The following RARB variants were observed in gnomAD, a reference collection of about 807,000 sequenced individuals.
The protein encoded by RARB is retinoic acid receptor beta.
Under a neutral mutation model 51.9 loss-of-function variants are expected in RARB, and 17 were observed. The observed-to-expected ratio is 0.33, with a 90% CI of 0.22 to 0.49. The LOEUF is 0.49. Among genes scored for constraint, RARB ranks in the 20% least tolerant of loss-of-function variants. The pLI is 0.99. For missense variants in RARB, 369 were observed against 550.8 expected, an observed-to-expected ratio of 0.67 and a Z score of 3.30; for synonymous variants, 215 against 195.4, an observed-to-expected ratio of 1.10 and a Z score of -0.84.
intron 3 of RARB, among the ~76,000 whole-genome samples, chr3:25,060,672 A>C (rs1698531253): frequency 6.6e-6 from 1 of 151,900 alleles, no homozygotes; most frequent in Non-Finnish European, 1.5e-5. Context: ...AAGTTGATTT[A>C]GAAAACAATG....
At chr3:25,009,204 T>G (rs907573281) in intron 2 of RARB, among the ~76,000 whole-genome samples, 1 of 152,066 alleles carries the variant, frequency 6.6e-6, no homozygotes, top group African/African-American at 2.4e-5. Flanking sequence ...TCTCCCAAAT[T>G]CTATGACTCT....
At chr3:25,523,428 G>A (rs1385115747) in intron 3 of RARB, among the ~76,000 whole-genome samples, 5 of 152,140 alleles carry the variant, frequency 3.3e-5, no homozygotes, top group East Asian at 1.9e-4. Flanking sequence ...AGGGAGATAC[G>A]GAAATTCCTT....
At chr3:25,160,801 T>C (rs1345567566) in intron 4 of RARB, among the ~76,000 whole-genome samples, 1 of 152,128 alleles carries the variant, frequency 6.6e-6, no homozygotes, top group East Asian at 1.9e-4. Flanking sequence ...AAGGAGAACT[T>C]GTTTCCTTGC....
intron 5 of RARB, among the ~76,000 whole-genome samples, chr3:25,238,408 A>G (rs1702354079): frequency 6.6e-6 from 1 of 152,116 alleles, no homozygotes; most frequent in South Asian, 2.1e-4. Context: ...TCATTTATCC[A>G]TTGGTGGACA....
At chr3:24,993,057 A>G (rs564036481) in intron 2 of RARB, among the ~76,000 whole-genome samples, 19 of 152,240 alleles carry the variant, frequency 1.2e-4, no homozygotes, top group African/African-American at 4.1e-4. Flanking sequence ...TCTATATACA[A>G]TAAAAAGTGA....
At chr3:25,456,688 G>T (rs866722171) in intron 1 of RARB, among the ~76,000 whole-genome samples, 12,909 of 108,720 alleles carry the variant, frequency 0.12, 552 homozygotes, top group Admixed American at 0.13. Flanking sequence ...TATATAGAGA[G>T]AGAGAGAGAG....
rs1390744767 is a variant in RARB at position 25,050,526 on chromosome 3, A to C, written c.-379-9599A>C. On this transcript the variant is annotated intron_variant, in intron 2 of 11. Transcript: ENST00000383772. ...TATGTGTATTCACTTTACGAAGTCA[A>C]ATAGTTCTATAAGGCTTTTAACACT... is the stretch of plus-strand genomic sequence containing the variant. 2.6e-5 allele frequency among the ~76,000 whole-genome samples: 4 copies of C among 152,208 alleles called. No individual in the cohort carries two copies. The East Asian group carries it at 5.8e-4, about 22-fold the overall frequency.
chr3:24,932,919 A>G (rs1158013152), intron 2 of RARB, among the ~76,000 whole-genome samples: 1 of 152,126 alleles, frequency 6.6e-6, no homozygotes, highest in Non-Finnish European at 1.5e-5. Flanking sequence ...GAGAAAACCC[A>G]TATAATTTAT....
At chr3:24,931,164 G>A (rs984219124) in intron 2 of RARB, among the ~76,000 whole-genome samples, 3 of 152,040 alleles carry the variant, frequency 2.0e-5, no homozygotes, top group Admixed American at 2.0e-4. Flanking sequence ...TCGTTGAACT[G>A]AATGTATTCT....
intron 3 of RARB, among the ~76,000 whole-genome samples, chr3:25,535,884 C>T: frequency 6.6e-6 from 1 of 152,128 alleles, no homozygotes; most frequent in East Asian, 1.9e-4. Flanking sequence ...TTATCAGGGT[C>T]TTAAATGCAT....
intron 4 of RARB, among the ~76,000 whole-genome samples, chr3:25,134,796 G>A (rs1284130421): frequency 6.7e-6 from 1 of 150,044 alleles, no homozygotes; most frequent in Non-Finnish European, 1.5e-5. Flanking sequence ...GAATGAGAAT[G>A]TAGCTAGGAA....
At chr3:25,525,404 C>A (rs1442674386) in intron 3 of RARB, among the ~76,000 whole-genome samples, 1 of 152,046 alleles carries the variant, frequency 6.6e-6, no homozygotes. Context: ...TCACCCCTGC[C>A]TCCCATACTC....
chr3:25,273,327 A>G (rs2125412393), intron 5 of RARB, among the ~76,000 whole-genome samples: 1 of 152,328 alleles, frequency 6.6e-6, no homozygotes, highest in Middle Eastern at 3.4e-3. Flanking sequence ...TCACTTAATC[A>G]TTATATTGCC....
chr3:25,294,584 C>G (rs922113110), intron 5 of RARB, among the ~76,000 whole-genome samples: 7 of 152,112 alleles, frequency 4.6e-5, no homozygotes, highest in African/African-American at 1.7e-4. Flanking sequence ...AGAGATGGTG[C>G]TGTTGGAGGT....
At chr3:25,182,352 G>C (rs1374833009) in intron 5 of RARB, among the ~76,000 whole-genome samples, 3 of 152,186 alleles carry the variant, frequency 2.0e-5, no homozygotes, top group Admixed American at 6.5e-5. Flanking sequence ...GCCAGCCATG[G>C]GGTACTGGGC....
At chr3:24,877,355 T>C (rs1435028336) in intron 2 of RARB, among the ~76,000 whole-genome samples, 1 of 143,912 alleles carries the variant, frequency 6.9e-6, no homozygotes, top group East Asian at 2.0e-4. Context: ...ACTTTTTTTT[T>C]TTTTTTTTGG....
Position 25,566,714 on chromosome 3 carries a change from C to T in RARB, c.449-3044C>T, listed in dbSNP as rs182761355. 6.8e-3 allele frequency among the ~76,000 whole-genome samples: 1,043 copies of T among 152,320 alleles called. 7 individuals are homozygous for T. Among genetic ancestry groups the T allele is most frequent in the Non-Finnish European group, 0.01 (706 of 68,032 alleles). On this transcript the variant is annotated intron_variant, in intron 3 of 7. Transcript: ENST00000330688. ...GGTTTGCTCGTCTGAGTTTTCCAGG[C>T]CCCTGGTGGTGGATGGGGACAGTGA...
chr3:25,066,568 T>C (rs1698666949), intron 3 of RARB, among the ~76,000 whole-genome samples: 1 of 151,626 alleles, frequency 6.6e-6, no homozygotes, highest in African/African-American at 2.4e-5. Flanking sequence ...ATTCTGTGTG[T>C]ATATGTATGT....
At chr3:25,283,608 G>T (rs1164454770) in intron 5 of RARB, among the ~76,000 whole-genome samples, 3 of 152,170 alleles carry the variant, frequency 2.0e-5, no homozygotes, top group Admixed American at 2.0e-4. Flanking sequence ...TGACCTTGCT[G>T]GGTCAGACTG....
Sources: allele counts gnomAD v4.1 joint callset (sites outside exome capture counted in the v4.1 genomes callset), GRCh38; gene constraint gnomAD v4.1.1; transcripts MANE v1.5; gene names NCBI Gene and HGNC (gene_info 2026-07-23, HGNC 2026-07-21).